Variants in PTPRD observed in about 807,000 individuals in gnomAD.
The protein encoded by PTPRD is receptor-type tyrosine-protein phosphatase delta.
A neutral mutation model predicts 214.5 loss-of-function variants in PTPRD; 34 were observed. That is an observed-to-expected ratio of 0.16 (90% CI 0.12 to 0.21). The LOEUF (loss-of-function observed/expected upper bound fraction) is 0.21, where lower values mean the gene tolerates loss of function less well. Ranked by LOEUF, PTPRD falls within the 10% of genes least tolerant of loss-of-function variation. The probability of loss-of-function intolerance (pLI) is 1.00; values close to 1 mark genes in which losing one functional copy is unlikely to be tolerated. For synonymous variants in PTPRD, 1,128 were observed against 845.7 expected (o/e 1.33, Z -5.79); for missense variants, 2,545 against 2,398.7 (o/e 1.06, Z -1.27).
At chr9:8,776,988 T>A (rs2095510746) in intron 11 of PTPRD, among the ~76,000 whole-genome samples, 1 of 149,022 alleles carries the variant, frequency 6.7e-6, no homozygotes, top group African/African-American at 2.4e-5. Flanking sequence ...TATATACATT[T>A]TTTTCTTTTT....
chr9:9,754,317 G>C (rs1007039782), intron 6 of PTPRD, among the ~76,000 whole-genome samples: 14 of 152,028 alleles, frequency 9.2e-5, no homozygotes, highest in Admixed American at 6.6e-5. Context: ...CAGGAAACTG[G>C]ATGACTTGTA....
chr9:9,278,718 T>A (rs1198043973), intron 9 of PTPRD, among the ~76,000 whole-genome samples: 2 of 151,388 alleles, frequency 1.3e-5, no homozygotes, highest in African/African-American at 4.8e-5. Flanking sequence ...CGGAATTCTC[T>A]GAGTTTTCAT....
At chr9:9,186,674 C>CAA (rs142306383) in intron 9 of PTPRD, among the ~76,000 whole-genome samples, 1 of 151,648 alleles carries the variant, frequency 6.6e-6, no homozygotes. Context: ...CTCACACACA[C>CAA]ACACACAAAC....
At chr9:9,190,541 GA>G (rs2099934490) in intron 9 of PTPRD, among the ~76,000 whole-genome samples, 1 of 151,986 alleles carries the variant, frequency 6.6e-6, no homozygotes, top group Admixed American at 6.6e-5. Flanking sequence ...TCAGCAGTGT[GA>G]AAATGGACTA....
chr9:9,903,724 G>A (rs1282975568), intron 5 of PTPRD, among the ~76,000 whole-genome samples: 1 of 152,002 alleles, frequency 6.6e-6, no homozygotes, highest in Non-Finnish European at 1.5e-5. Context: ...TCTTACCCTA[G>A]GATCAGGGAT....
intron 9 of PTPRD, among the ~76,000 whole-genome samples, chr9:9,259,830 C>A (rs2099979311): frequency 6.6e-6 from 1 of 151,822 alleles, no homozygotes; most frequent in African/African-American, 2.4e-5. Context: ...AGAACTCTGA[C>A]CTAAGGTCCC....
chr9:8,354,718 T>C (rs1178203158), intron 39 of PTPRD, among the ~76,000 whole-genome samples: 2 of 152,190 alleles, frequency 1.3e-5, no homozygotes. Context: ...AGCTAAGACT[T>C]GGGTCCACGT....
intron 14 of PTPRD, among the ~76,000 whole-genome samples, chr9:8,585,449 A>G (rs748888277): frequency 2.0e-4 from 31 of 152,160 alleles, no homozygotes; most frequent in Non-Finnish European, 1.0e-4. Context: ...TTCGCTATGG[A>G]CTGGAAAGTC....
intron 33 of PTPRD, among the ~76,000 whole-genome samples, chr9:8,458,542 T>C (rs1028254374): frequency 1.3e-5 from 2 of 152,142 alleles, no homozygotes; most frequent in African/African-American, 4.8e-5. Context: ...ACTACCTAAA[T>C]CAATATTTCC....
intron 2 of PTPRD, among the ~76,000 whole-genome samples, chr9:10,348,048 A>G (rs1438244286): frequency 3.9e-5 from 6 of 152,112 alleles, no homozygotes; most frequent in South Asian, 2.1e-4. Flanking sequence ...GCAGAGCAAG[A>G]CTTCGTCTAA....
At chr9:9,797,771 C>T (rs1195302037) in intron 5 of PTPRD, among the ~76,000 whole-genome samples, 2 of 152,094 alleles carry the variant, frequency 1.3e-5, no homozygotes, top group African/African-American at 2.4e-5. Flanking sequence ...TCACTTGACC[C>T]CAGGCTGTGG....
At chr9:10,147,977 T>C (rs944149011) in intron 3 of PTPRD, among the ~76,000 whole-genome samples, 4 of 152,174 alleles carry the variant, frequency 2.6e-5, no homozygotes, top group Admixed American at 6.5e-5. Flanking sequence ...AGTGAAAGTA[T>C]ATAGTTAAGG....
intron 2 of PTPRD, among the ~76,000 whole-genome samples, chr9:10,368,379 A>G (rs1395175955): frequency 6.6e-6 from 1 of 152,112 alleles, no homozygotes; most frequent in East Asian, 1.9e-4. Context: ...GACAGTGATG[A>G]CACCTTACTT....
intron 5 of PTPRD, among the ~76,000 whole-genome samples, chr9:9,858,762 A>T (rs2062054282): frequency 6.6e-6 from 1 of 152,250 alleles, no homozygotes; most frequent in African/African-American, 2.4e-5. Context: ...AATAAAGCCA[A>T]AACAGGTAAG....
intron 4 of PTPRD, among the ~76,000 whole-genome samples, chr9:9,989,035 A>AC (rs2095819721): frequency 2.7e-5 from 4 of 149,740 alleles, no homozygotes; most frequent in Admixed American, 2.7e-4. Context: ...AAAAAAAAAA[A>AC]AAAAAAAAAA....
chr9:9,080,818 G>T (rs761491183), intron 10 of PTPRD, among the ~76,000 whole-genome samples: 1 of 152,116 alleles, frequency 6.6e-6, no homozygotes, highest in Non-Finnish European at 1.5e-5. Context: ...ATGGTAGTTT[G>T]TATTTCTGTG....
chr9:9,304,408 T>C (rs906238022), intron 9 of PTPRD, among the ~76,000 whole-genome samples: 1 of 152,060 alleles, frequency 6.6e-6, no homozygotes, highest in Non-Finnish European at 1.5e-5. Context: ...TTAGAGTTCT[T>C]TTTTAATCTT....
intron 8 of PTPRD, among the ~76,000 whole-genome samples, chr9:9,486,657 G>C (rs1311364567): frequency 6.6e-6 from 1 of 152,026 alleles, no homozygotes; most frequent in Non-Finnish European, 1.5e-5. Flanking sequence ...AACAGGCTAT[G>C]TTGGCACTGG....
chr9:9,736,879 G>A (rs1463996471), intron 6 of PTPRD, among the ~76,000 whole-genome samples: 2 of 151,818 alleles, frequency 1.3e-5, no homozygotes, highest in Non-Finnish European at 2.9e-5. Flanking sequence ...CCTACTCCAT[G>A]GCTTCCTTTT....
Sources: gnomAD v4.1 joint callset for allele counts (sites outside exome capture counted in the v4.1 genomes callset) on GRCh38, gnomAD v4.1.1 for gene constraint, MANE v1.5 for transcripts, NCBI Gene and HGNC (gene_info 2026-07-23, HGNC 2026-07-21) for gene names.